Variants in GCLM observed in about 807,000 individuals in gnomAD.
GCLM encodes glutamate-cysteine ligase modifier subunit.
In GCLM, 15 loss-of-function variants were observed where a neutral mutation model predicts 36.0. The ratio of observed to expected loss-of-function variants is 0.42; its 90% CI spans 0.28 to 0.64. The LOEUF (loss-of-function observed/expected upper bound fraction) is 0.64, where lower values mean the gene tolerates loss of function less well. GCLM is among the 30% of genes least tolerant of loss of function. The pLI, the probability that GCLM is intolerant of heterozygous loss-of-function variation, is 0.25. For synonymous variants in GCLM, 129 were observed against 122.8 expected (o/e 1.05, Z -0.34); for missense variants, 242 against 325.5 (o/e 0.74, Z 1.97).
intron 1 of GCLM, among the ~76,000 whole-genome samples, chr1:93,907,102 CG>C (rs781264941): frequency 4.3e-4 from 66 of 152,160 alleles, no homozygotes; most frequent in Admixed American, 1.1e-3. Context: ...TTCAGTGAAG[CG>C]GAACTGTTCC....
intron 5 of GCLM, 123 bp from the exon 6 acceptor site, chr1:93,894,851 TA>T: frequency 1.7e-6 from 1 of 593,238 alleles, no homozygotes; most frequent in Admixed American, 2.9e-5. Context: ...CCACAGTGAT[TA>T]AAGTTTACAA....
intron 1 of GCLM, among the ~76,000 whole-genome samples, chr1:93,905,796 C>T (rs1485933150): frequency 6.6e-6 from 1 of 152,132 alleles, no homozygotes; most frequent in Non-Finnish European, 1.5e-5. Context: ...ACATGCCAGG[C>T]ACTCTAATGG....
Position 93,897,950 on chromosome 1 carries a change from C to T in GCLM, c.278-52G>A, listed in dbSNP as rs41292675. The T allele has an allele frequency of 8.1e-3, 7,520 of 933,786 alleles. 41 individuals are homozygous for T. The highest frequency in any genetic ancestry group is 0.01 in the Non-Finnish European group (6,476 of 622,902). 57.8% of individuals were successfully genotyped at this position (933,786 alleles called of 1,614,324 possible). A position where few individuals can be genotyped will look rare whatever the true frequency, so the allele number is the denominator to read the frequency against. On this transcript the variant is annotated intron_variant, in intron 3 of 6. Transcript: ENST00000370238. The stretch of plus-strand genomic sequence containing the variant: ...TTACTACATTTGGATACACATTTCA[C>T]TATATGCTAGTATTAACACTACTAT...
intron 2 of GCLM, chr1:93,904,181 G>T: frequency 4.0e-6 from 1 of 251,780 alleles, no homozygotes; most frequent in Non-Finnish European, 7.8e-6. Context: ...ATTACTTCTA[G>T]TGATGTTGAG....
In GCLM at chr1:93,907,740, G is replaced by A. The variant is rs74436359; in HGVS notation, c.126+1298C>T. 2.6e-5 allele frequency among the ~76,000 whole-genome samples: 4 copies of A among 152,284 alleles called. No homozygotes were observed. The East Asian group carries it at 7.7e-4, about 29-fold the overall frequency. On this transcript the variant is annotated intron_variant, in intron 1 of 6. Coordinates refer to ENST00000370238, the MANE Select transcript of GCLM (RefSeq NM_002061.4). The stretch of plus-strand genomic sequence containing the variant: ...TTAAATAAAACAAAACATACACACT[G>A]AGCTGGAACGTGAACACAGAATATG...
At chr1:93,904,443 A>T in intron 2 of GCLM, 80 bp downstream of exon 2, 1 of 935,802 alleles carries the variant, frequency 1.1e-6, no homozygotes, top group Non-Finnish European at 1.8e-6. Context: ...GACTTCCCTC[A>T]CAAAACTGAA....
intron 6 of GCLM, among the ~76,000 whole-genome samples, chr1:93,890,852 G>A (rs529851678): frequency 1.1e-4 from 17 of 151,312 alleles, no homozygotes; most frequent in Admixed American, 2.6e-4. Context: ...TGAGAGTGCC[G>A]CAGTGCCAAT....
chr1:93,886,492 T>C lies in GCLM; in HGVS notation c.*2498A>G, dbSNP rs1656307317. The C allele has an allele frequency of 6.6e-6, 1 of 152,138 alleles. No homozygotes were observed. Among genetic ancestry groups the C allele is most frequent in the African/African-American group, 2.4e-5 (1 of 41,436 alleles). The allele number at this position is 152,138 out of a possible 1,614,324, so 9.4% of individuals were successfully genotyped here. A position where few individuals can be genotyped will look rare whatever the true frequency, so the allele number is the denominator to read the frequency against. On this transcript the variant is annotated 3_prime_UTR_variant, in exon 7 of 7. Coordinates refer to ENST00000370238, the MANE Select transcript of GCLM (RefSeq NM_002061.4). ...ACATATATAAAGCCTTAAAAATCAG[T>C]GTTTTAAAAGAGTATTCAATAATAG...
At chr1:93,891,932 TG>T (rs17879254) in intron 6 of GCLM, among the ~76,000 whole-genome samples, 2 of 152,200 alleles carry the variant, frequency 1.3e-5, no homozygotes, top group Non-Finnish European at 2.9e-5. Flanking sequence ...TATCTCTTTA[TG>T]GGGGGAAACC....
Position 93,909,254 on chromosome 1 carries a change from CGA to C in GCLM, c.-93_-92del. On this transcript the variant is annotated 5_prime_UTR_variant, in exon 1 of 7. Transcript: ENST00000370238. ...CCCACAGGACGCGGTGCCCGAGGCC[CGA>C]GAGAGACCCGAGAGGGAGCGCGAGG... 1 of 1,088,252 alleles carries C rather than the reference CGA, an allele frequency of 9.2e-7. No homozygotes were observed. The allele number at this position is 1,088,252 out of a possible 1,614,324, so 67.4% of individuals were successfully genotyped here. A position where few individuals can be genotyped will look rare whatever the true frequency, so the allele number is the denominator to read the frequency against.
In GCLM at chr1:93,891,651, C is replaced by T. The variant is rs1477539956; in HGVS notation, c.656-2492G>A. On this transcript the variant is annotated intron_variant, in intron 6 of 6. Transcript: ENST00000370238. ...CCAGAACAATGGCTGGCAAATGGTGCTCAAACGTCTATTAAATGCATCAAT... is the reference window on the plus strand; with the variant it reads ...CCAGAACAATGGCTGGCAAATGGTGTTCAAACGTCTATTAAATGCATCAAT... Among the ~76,000 whole-genome samples, 5 of 152,242 alleles carry T rather than the reference C, an allele frequency of 3.3e-5. No homozygotes were observed. In the East Asian group the frequency reaches 9.7e-4, roughly 29 times the overall value.
intron 2 of GCLM, among the ~76,000 whole-genome samples, chr1:93,903,399 C>G (rs1364324990): frequency 6.6e-6 from 1 of 151,888 alleles, no homozygotes; most frequent in African/African-American, 2.4e-5. Context: ...CAACCTCTGC[C>G]TCCCAGGTTC....
chr1:93,894,414 CT>C (rs1656645751), intron 6 of GCLM, among the ~76,000 whole-genome samples, 199 bp downstream of exon 6: 1 of 151,952 alleles, frequency 6.6e-6, no homozygotes, highest in African/African-American at 2.4e-5. Flanking sequence ...GATCCCTTCA[CT>C]TTTTTTTCCC....
Position 93,896,720 on chromosome 1 carries a change from G to A in GCLM, c.438C>T (p.Tyr146=). The change falls in exon 5 of 7, where the codon TAC becomes TAT. Residue 146 remains tyrosine (Y), a synonymous_variant. Transcript: ENST00000370238. ...GAACTAAGTTTTCTAATTCCTCCCA[G>A]TAAGGCTGTAAATGCTCCAAGGAAA... ...VNLSLEHLQP[Y]WEELENLVQS... The A allele has an allele frequency of 1.9e-6, 3 of 1,611,234 alleles. No individual in the cohort carries two copies. The highest frequency in any genetic ancestry group is 1.7e-6 in the Non-Finnish European group (2 of 1,177,360).
At chr1:93,890,438 T>C (rs543599353) in intron 6 of GCLM, among the ~76,000 whole-genome samples, 86 of 152,252 alleles carry the variant, frequency 5.6e-4, no homozygotes, top group African/African-American at 2.0e-3. Context: ...CATATACACA[T>C]AAATAATGCC....
intron 1 of GCLM, among the ~76,000 whole-genome samples, chr1:93,904,920 T>TTA (rs1285172106): frequency 6.6e-6 from 1 of 152,130 alleles, no homozygotes; most frequent in East Asian, 1.9e-4. Flanking sequence ...ATGCCTGTAA[T>TTA]CCCAGCACTT....
In GCLM at chr1:93,909,054, G is replaced by T; in HGVS notation, c.110C>A (p.Ser37Tyr). The change falls in exon 1 of 7, where the codon TCC (serine) becomes TAC (tyrosine). Residue 37 changes from serine to tyrosine, a missense_variant. Physicochemically the swap from Ser to Tyr is moderately radical, Grantham distance 144. Transcript: ENST00000370238. ...NWGRLRKKCPSTHSEELHDCI... is the reference protein window; with the variant it reads ...NWGRLRKKCPYTHSEELHDCI... ...CACGCTCACCTCCTCGCTGTGCGTG[G>T]ACGGGCACTTCTTCCGCAGGCGGCC... The T allele has an allele frequency of 6.8e-7, 1 of 1,474,024 alleles. No individual in the cohort carries two copies. The highest frequency in any genetic ancestry group is 1.3e-5 in the South Asian group (1 of 78,232). The allele number at this position is 1,474,024 out of a possible 1,614,324, so 91.3% of individuals were successfully genotyped here.
chr1:93,902,304 G>A (rs1470127533), intron 2 of GCLM, among the ~76,000 whole-genome samples: 2 of 151,570 alleles, frequency 1.3e-5, no homozygotes, highest in African/African-American at 2.4e-5. Flanking sequence ...TCAGTGTCCC[G>A]AGTAGCTGGG....
At chr1:93,901,742 C>G in intron 2 of GCLM, 73 bp from the exon 3 acceptor site, 1 of 815,038 alleles carries the variant, frequency 1.2e-6, no homozygotes. Flanking sequence ...TTTCTATTAT[C>G]CATAATGCCT....
Sources: gnomAD v4.1 joint callset for allele counts (sites outside exome capture counted in the v4.1 genomes callset) on GRCh38, gnomAD v4.1.1 for gene constraint, MANE v1.5 for transcripts, NCBI Gene and HGNC (gene_info 2026-07-23, HGNC 2026-07-21) for gene names.